Variants in PTPRG observed in about 807,000 individuals in gnomAD.
The protein encoded by PTPRG is protein tyrosine phosphatase receptor type G.
Under a neutral mutation model 165.3 loss-of-function variants are expected in PTPRG, and 102 were observed. The ratio of observed to expected loss-of-function variants is 0.62; its 90% CI spans 0.53 to 0.73. PTPRG has a LOEUF of 0.73. Among genes scored for constraint, PTPRG ranks in the 30% least tolerant of loss-of-function variants. The pLI is 0.00. For synonymous variants in PTPRG, 675 were observed against 669.5 expected, an observed-to-expected ratio of 1.01 and a Z score of -0.13; for missense variants, 1,866 against 1,861.4, an observed-to-expected ratio of 1.00 and a Z score of -0.05.
chr3:61,753,585 G>GATTT, intron 2 of PTPRG: 23 of 362,962 alleles, frequency 6.3e-5, no homozygotes, highest in Non-Finnish European at 9.4e-5. Flanking sequence ...AAATTTGAGG[G>GATTT]TTTTTTTTTT....
At chr3:61,662,820 G>T (rs749906174) in intron 1 of PTPRG, among the ~76,000 whole-genome samples, 4 of 152,162 alleles carry the variant, frequency 2.6e-5, no homozygotes, top group Non-Finnish European at 4.4e-5. Flanking sequence ...TTTTAAAAAG[G>T]CCTCTCAACT....
At chr3:62,135,210 G>A (rs1054880777) in intron 6 of PTPRG, among the ~76,000 whole-genome samples, 2 of 151,324 alleles carry the variant, frequency 1.3e-5, no homozygotes, top group Non-Finnish European at 2.9e-5. Context: ...GGAGATCGAG[G>A]CTGTAGTGAG....
rs545400796 is a variant in PTPRG at position 61,914,695 on chromosome 3, A to G, written c.191-74930A>G. ...CAATCTTCTTCCTAGCTTATTTCCA[A>G]GAAATTACAATATTGACCCATATCG... On this transcript the variant is annotated intron_variant, in intron 2 of 29. Transcript: ENST00000474889. Among the ~76,000 whole-genome samples the G allele has an allele frequency of 3.6e-4, 55 of 152,288 alleles. 1 individual carries two copies. The highest frequency in any genetic ancestry group is 3.5e-3 in the Admixed American group (53 of 15,302).
At position 62,179,044 on chromosome 3, in the gene PTPRG, T is replaced by C. The variant is rs138797337; in HGVS notation, c.1033+10881T>C. 2.6e-4 allele frequency among the ~76,000 whole-genome samples: 40 copies of C among 152,320 alleles called. No homozygotes were observed. In the East Asian group the frequency reaches 7.7e-3, roughly 29 times the overall value. On this transcript the variant is annotated intron_variant, in intron 8 of 29. Transcript: ENST00000474889. ...AGGAGGTATCTAGCTGGGAGACATC[T>C]TCCCCATTCATCCCACTCATTATTC... is the stretch of plus-strand genomic sequence containing the variant.
intron 28 of PTPRG, among the ~76,000 whole-genome samples, chr3:62,285,938 C>CCTTATTCATA (rs1284397966): frequency 6.6e-6 from 1 of 152,084 alleles, no homozygotes; most frequent in Admixed American, 6.6e-5. Context: ...ATACTATCTG[C>CCTTATTCATA]CTTATTCATA....
chr3:62,034,462 G>A (rs907231728), intron 4 of PTPRG, among the ~76,000 whole-genome samples: 2 of 152,210 alleles, frequency 1.3e-5, no homozygotes, highest in African/African-American at 4.8e-5. Context: ...TTCAGAACTT[G>A]CGTGAGGTCT....
At chr3:62,152,396 T>G (rs1704370656) in intron 6 of PTPRG, among the ~76,000 whole-genome samples, 2 of 152,128 alleles carry the variant, frequency 1.3e-5, no homozygotes, top group Non-Finnish European at 2.9e-5. Context: ...ATGGAAGAGT[T>G]TACGTTTTCA....
At chr3:61,830,585 T>G (rs1451802854) in intron 2 of PTPRG, among the ~76,000 whole-genome samples, 2 of 145,886 alleles carry the variant, frequency 1.4e-5, no homozygotes, top group African/African-American at 2.6e-5. Context: ...TTTTTTTTTT[T>G]TTTTTGGAGA....
intron 13 of PTPRG, among the ~76,000 whole-genome samples, chr3:62,226,963 A>T (rs922711830): frequency 6.6e-6 from 1 of 152,020 alleles, no homozygotes; most frequent in African/African-American, 2.4e-5. Context: ...TGACATTGCA[A>T]TTTTTTTTCT....
At chr3:61,659,308 A>C in intron 1 of PTPRG, 1 of 985,352 alleles carries the variant, frequency 1.0e-6, no homozygotes, top group Non-Finnish European at 1.2e-6. Flanking sequence ...TGATGGTGCA[A>C]GTCCAAACAG....
intron 1 of PTPRG, among the ~76,000 whole-genome samples, chr3:61,600,188 A>ATGTGTGTGTGTGTGTGTGTGTGTG (rs1372886923): frequency 6.8e-5 from 9 of 133,302 alleles, no homozygotes; most frequent in Non-Finnish European, 1.1e-4. Context: ...ATATATATAT[A>ATGTGTGTGTGTGTGTGTGTGTGTG]TATATGTGTG....
At chr3:62,159,090 T>G (rs1576076551) in intron 7 of PTPRG, among the ~76,000 whole-genome samples, 1 of 151,082 alleles carries the variant, frequency 6.6e-6, no homozygotes, top group Non-Finnish European at 1.5e-5. Flanking sequence ...TTTGGGAGGG[T>G]GAAGCAGGAA....
chr3:62,185,799 C>T lies in PTPRG; in HGVS notation c.1034-5670C>T, dbSNP rs189448947. Among the ~76,000 whole-genome samples, 435 of 152,344 alleles carry T rather than the reference C, an allele frequency of 2.9e-3. 3 individuals are homozygous for T. The highest frequency in any genetic ancestry group is 9.9e-3 in the African/African-American group (413 of 41,578). ...AGGCCCACAACTTTGGGTTTATCCA[C>T]AGTGTTCCCTCGTAATCCTCACTGC... On this transcript the variant is annotated intron_variant, in intron 8 of 29. Coordinates refer to ENST00000474889, the MANE Select transcript of PTPRG (RefSeq NM_002841.4).
intron 13 of PTPRG, among the ~76,000 whole-genome samples, chr3:62,220,802 T>C (rs1700634686): frequency 6.6e-6 from 1 of 152,198 alleles, no homozygotes. Context: ...ATCTCTTGGC[T>C]CTGCTCAGCA....
At chr3:61,762,163 C>T (rs761905076) in intron 2 of PTPRG, among the ~76,000 whole-genome samples, 1 of 152,136 alleles carries the variant, frequency 6.6e-6, no homozygotes, top group Non-Finnish European at 1.5e-5. Flanking sequence ...ACACTCTCCT[C>T]TTGGGGAGTG....
At chr3:62,153,218 G>T (rs954327381) in intron 6 of PTPRG, among the ~76,000 whole-genome samples, 1 of 152,200 alleles carries the variant, frequency 6.6e-6, no homozygotes, top group South Asian at 2.1e-4. Context: ...AAATGAGCCA[G>T]CCTGTACCTC....
chr3:61,938,391 C>G (rs1338582605), intron 2 of PTPRG, among the ~76,000 whole-genome samples: 1 of 152,112 alleles, frequency 6.6e-6, no homozygotes, highest in African/African-American at 2.4e-5. Context: ...ACTTTCTGAT[C>G]TGGAAAAGGA....
At chr3:62,002,213 G>A (rs1575873227) in intron 3 of PTPRG, among the ~76,000 whole-genome samples, 1 of 152,122 alleles carries the variant, frequency 6.6e-6, no homozygotes, top group Admixed American at 6.6e-5. Context: ...CTAGAAATGG[G>A]TCATTAGCCT....
At chr3:61,793,651 AAATAAT>A (rs1469783229) in intron 2 of PTPRG, among the ~76,000 whole-genome samples, 7 of 152,374 alleles carry the variant, frequency 4.6e-5, no homozygotes, top group African/African-American at 1.7e-4. Flanking sequence ...ATTGATAAAA[AAATAAT>A]AATAACAAGC....
Sources: gnomAD v4.1 joint callset for allele counts (sites outside exome capture counted in the v4.1 genomes callset) on GRCh38, gnomAD v4.1.1 for gene constraint, MANE v1.5 for transcripts, NCBI Gene and HGNC (gene_info 2026-07-23, HGNC 2026-07-21) for gene names.